Variants in NCOA7 observed in about 807,000 individuals in gnomAD.
NCOA7 encodes 140 kDa estrogen receptor-associated protein.
NCOA7 carries 45 observed loss-of-function variants against 104.3 expected under a neutral mutation model. That is an observed-to-expected ratio of 0.43 (90% CI 0.34 to 0.55). NCOA7 has a LOEUF of 0.55. Among genes scored for constraint, NCOA7 ranks in the 20% least tolerant of loss-of-function variants. The probability of loss-of-function intolerance (pLI) is 0.02; values close to 1 mark genes in which losing one functional copy is unlikely to be tolerated. For synonymous variants in NCOA7, 398 were observed against 402.3 expected, an observed-to-expected ratio of 0.99 and a Z score of 0.13; for missense variants, 1,041 against 1,119.7, an observed-to-expected ratio of 0.93 and a Z score of 1.00.
intron 7 of NCOA7, among the ~76,000 whole-genome samples, chr6:125,883,084 A>G (rs1302180441): frequency 6.6e-6 from 1 of 152,216 alleles, no homozygotes; most frequent in Admixed American, 6.5e-5. Context: ...TGATATTGGT[A>G]TTAATATCTG....
chr6:125,853,311 C>G (rs574873531), intron 2 of NCOA7, among the ~76,000 whole-genome samples: 120 of 152,244 alleles, frequency 7.9e-4, no homozygotes, highest in African/African-American at 2.8e-3. Context: ...ATGAAGGAGT[C>G]TTCAGGGTTT....
At chr6:125,804,993 C>T (rs1416645528) in intron 1 of NCOA7, among the ~76,000 whole-genome samples, 1 of 150,108 alleles carries the variant, frequency 6.7e-6, no homozygotes, top group Non-Finnish European at 1.5e-5. Flanking sequence ...TACTAAAGTG[C>T]ATTTAGTATG....
chr6:125,874,892 ACAAT>A lies in NCOA7; in HGVS notation c.279_282del (p.Asn93LysfsTer31). ...TTACATACAATTTATTCTTCAGATG[ACAAT>A]CAAAACAAAACACATGATAAAAAAG... On this transcript the variant is annotated frameshift_variant, in exon 4 of 16. Coordinates refer to ENST00000392477, the MANE Select transcript of NCOA7 (RefSeq NM_181782.5). LOFTEE classifies it high-confidence loss of function. The A allele has an allele frequency of 6.2e-7, 1 of 1,611,488 alleles. No homozygotes were observed. Among genetic ancestry groups the A allele is most frequent in the Non-Finnish European group, 8.5e-7 (1 of 1,177,686 alleles).
At chr6:125,853,045 C>A (rs1583379237) in intron 2 of NCOA7, among the ~76,000 whole-genome samples, 1 of 152,298 alleles carries the variant, frequency 6.6e-6, no homozygotes, top group South Asian at 2.1e-4. Flanking sequence ...AATATTGATT[C>A]TTCCAGTCCA....
chr6:125,879,832 A>G (rs1302818929), intron 5 of NCOA7, among the ~76,000 whole-genome samples: 2 of 152,094 alleles, frequency 1.3e-5, no homozygotes, highest in African/African-American at 4.8e-5. Context: ...CCCCATCTCT[A>G]CTAAAAATAC....
At chr6:125,801,105 G>A (rs1460295397) in intron 1 of NCOA7, among the ~76,000 whole-genome samples, 2 of 152,206 alleles carry the variant, frequency 1.3e-5, no homozygotes, top group African/African-American at 4.8e-5. Flanking sequence ...AGCAGTATGA[G>A]TTTGTTAGTG....
chr6:125,921,541 C>T (rs1215899656), intron 12 of NCOA7, among the ~76,000 whole-genome samples: 4 of 152,168 alleles, frequency 2.6e-5, no homozygotes, highest in South Asian at 2.1e-4. Flanking sequence ...TCTGAAAAGT[C>T]GCATTCCCTG....
At chr6:125,835,708 G>A (rs980436769) in intron 2 of NCOA7, among the ~76,000 whole-genome samples, 3 of 152,228 alleles carry the variant, frequency 2.0e-5, no homozygotes, top group Admixed American at 6.5e-5. Context: ...CAGAGGCAGA[G>A]ACTCAGTGCT....
intron 3 of NCOA7, among the ~76,000 whole-genome samples, chr6:125,869,179 G>A (rs1782674114): frequency 6.6e-6 from 1 of 152,114 alleles, no homozygotes; most frequent in African/African-American, 2.4e-5. Context: ...CATGTCCACT[G>A]TCCTGAGTTC....
intron 1 of NCOA7, among the ~76,000 whole-genome samples, chr6:125,813,341 G>A (rs912393613): frequency 2.0e-5 from 3 of 151,868 alleles, no homozygotes; most frequent in Admixed American, 2.0e-4. Flanking sequence ...TCCTGCCCAT[G>A]TCTTCATCCT....
chr6:125,859,415 G>A (rs1047120196), intron 3 of NCOA7, among the ~76,000 whole-genome samples: 3 of 152,136 alleles, frequency 2.0e-5, no homozygotes, highest in Non-Finnish European at 2.9e-5. Context: ...ATCTGCATGT[G>A]TAAAACAAAA....
intron 3 of NCOA7, among the ~76,000 whole-genome samples, chr6:125,863,596 G>A (rs1053464048): frequency 1.4e-5 from 2 of 138,124 alleles, no homozygotes; most frequent in Non-Finnish European, 3.1e-5. Flanking sequence ...AAGTAAACTA[G>A]GAAGGATAAA....
chr6:125,840,385 A>G (rs1199760886), intron 2 of NCOA7, among the ~76,000 whole-genome samples: 1 of 152,114 alleles, frequency 6.6e-6, no homozygotes, highest in African/African-American at 2.4e-5. Context: ...ATATAAATTT[A>G]GTGCAGCCTA....
At chr6:125,883,201 A>G (rs1783988462) in intron 7 of NCOA7, among the ~76,000 whole-genome samples, 1 of 152,104 alleles carries the variant, frequency 6.6e-6, no homozygotes, top group African/African-American at 2.4e-5. Flanking sequence ...GCCTCTGGAG[A>G]AGGGACTATC....
Position 125,864,510 on chromosome 6 carries a change from ACCCACCCC to A in NCOA7, c.271+9272_271+9279del, listed in dbSNP as rs1249551898. Among the ~76,000 whole-genome samples, 9 of 127,088 alleles carry A rather than the reference ACCCACCCC, an allele frequency of 7.1e-5. 2 individuals carry two copies. Among genetic ancestry groups the A allele is most frequent in the African/African-American group, 3.1e-4 (9 of 29,210 alleles). The allele number at this position is 127,088 out of a possible 152,430, so 83.4% of individuals were successfully genotyped here. A position where few individuals can be genotyped will look rare whatever the true frequency, so the allele number is the denominator to read the frequency against. ...ATGATCTGAATATTTGTGTCCCCCC[ACCCACCCC>A]CAAATTTACATGTTGAAATCCTACT... is the stretch of plus-strand genomic sequence containing the variant. On this transcript the variant is annotated intron_variant, in intron 3 of 15. Transcript: ENST00000392477.
intron 10 of NCOA7, among the ~76,000 whole-genome samples, chr6:125,897,092 A>G (rs1310583283): frequency 6.6e-6 from 1 of 152,262 alleles, no homozygotes; most frequent in Non-Finnish European, 1.5e-5. Flanking sequence ...CTTTCACAAT[A>G]AAAATGAGTA....
intron 7 of NCOA7, among the ~76,000 whole-genome samples, 154 bp from the exon 8 acceptor site, chr6:125,885,005 T>G (rs1313050482): frequency 6.6e-6 from 1 of 152,178 alleles, no homozygotes. Flanking sequence ...TTCAGCCTGT[T>G]TTTCTGGTCC....
chr6:125,833,594 G>A (rs1779366028), intron 2 of NCOA7, among the ~76,000 whole-genome samples: 1 of 146,326 alleles, frequency 6.8e-6, no homozygotes, highest in Non-Finnish European at 1.5e-5. Context: ...AGGAAAGGGA[G>A]GGGGGGAGGG....
At chr6:125,789,129 A>C (rs2128540407), upstream of NCOA7, among the ~76,000 whole-genome samples, 1 of 152,326 alleles carries the variant, frequency 6.6e-6, no homozygotes, top group African/African-American at 2.4e-5. Flanking sequence ...TATACATCAG[A>C]TATGTACATA....
Sources: allele counts gnomAD v4.1 joint callset (sites outside exome capture counted in the v4.1 genomes callset), GRCh38; gene constraint gnomAD v4.1.1; transcripts MANE v1.5; gene names NCBI Gene and HGNC (gene_info 2026-07-23, HGNC 2026-07-21).